GSE1: variants seen among roughly 807,000 people sequenced by gnomAD.
The protein encoded by GSE1 is genetic suppressor element 1.
A neutral mutation model predicts 112.6 loss-of-function variants in GSE1; 32 were observed. That is an observed-to-expected ratio of 0.28 (90% CI 0.21 to 0.38). GSE1 has a LOEUF of 0.38. Among genes scored for constraint, GSE1 ranks in the 10% least tolerant of loss-of-function variants. The pLI is 1.00. For missense variants in GSE1, 2,348 were observed against 1,699.2 expected, an observed-to-expected ratio of 1.38 and a Z score of -6.71; for synonymous variants, 1,115 against 735.6, an observed-to-expected ratio of 1.52 and a Z score of -8.35.
intron 1 of GSE1, among the ~76,000 whole-genome samples, chr16:85,254,096 A>G (rs1398256512): frequency 1.3e-5 from 2 of 152,126 alleles, no homozygotes; most frequent in Non-Finnish European, 2.9e-5. Flanking sequence ...GCCAGCCCGT[A>G]TGGGGCACTT....
intron 2 of GSE1, among the ~76,000 whole-genome samples, chr16:85,519,966 T>G (rs139500508): frequency 0.016 from 2,496 of 152,278 alleles, 44 homozygotes; most frequent in African/African-American, 0.045. Flanking sequence ...CTTCTCCTTA[T>G]GACCCACGGT....
Position 85,217,730 on chromosome 16 carries a change from G to A in GSE1, c.2283+45923G>A, listed in dbSNP as rs148974967. ...CTGCCTCAAAGCCGAACAGCCCAGC[G>A]GACTTTCCTAAGCCCTCCTGTTGCC... On this transcript the variant is annotated intron_variant, in intron 1 of 2. Transcript: ENST00000637419. Among the ~76,000 whole-genome samples, 1,157 of 152,138 alleles carry A rather than the reference G, an allele frequency of 7.6e-3. 11 individuals are homozygous for A. Among genetic ancestry groups the A allele is most frequent in the African/African-American group, 0.026 (1,060 of 41,484 alleles).
At chr16:85,650,957 G>C (rs1156866387) in intron 3 of GSE1, among the ~76,000 whole-genome samples, 1 of 151,710 alleles carries the variant, frequency 6.6e-6, no homozygotes, top group Non-Finnish European at 1.5e-5. Context: ...CTGTTTTAAA[G>C]CTAACAGGGC....
At chr16:85,347,941 C>T (rs1181872156) in intron 1 of GSE1, among the ~76,000 whole-genome samples, 2 of 152,228 alleles carry the variant, frequency 1.3e-5, no homozygotes, top group Non-Finnish European at 2.9e-5. Flanking sequence ...ACTTTCTTGT[C>T]TTCCAATGAC....
intron 1 of GSE1, among the ~76,000 whole-genome samples, chr16:85,217,145 G>C (rs1051051942): frequency 6.6e-6 from 1 of 152,238 alleles, no homozygotes; most frequent in Non-Finnish European, 1.5e-5. Flanking sequence ...GGGGTGATGA[G>C]AGTAGCGACT....
intron 2 of GSE1, among the ~76,000 whole-genome samples, chr16:85,517,013 G>A (rs1326992097): frequency 2.6e-5 from 4 of 152,164 alleles, no homozygotes; most frequent in Non-Finnish European, 4.4e-5. Context: ...TAGCCAGGAC[G>A]GTCTCGATCT....
At chr16:85,581,974 A>G (rs1421642010) in intron 1 of GSE1, 2 of 152,184 alleles carry the variant, frequency 1.3e-5, no homozygotes, top group African/African-American at 4.8e-5. Context: ...CCCCACCCCA[A>G]GTTGGGTGAT....
chr16:85,601,739 G>A (rs1255461495), intron 1 of GSE1, among the ~76,000 whole-genome samples: 1 of 152,224 alleles, frequency 6.6e-6, no homozygotes, highest in East Asian at 1.9e-4. Context: ...CCGCAGCAGA[G>A]GGTTCCTTGC....
At chr16:85,365,732 G>A (rs771721046) in intron 2 of GSE1, among the ~76,000 whole-genome samples, 1 of 152,200 alleles carries the variant, frequency 6.6e-6, no homozygotes, top group African/African-American at 2.4e-5. Context: ...AGCCTACAGC[G>A]ACTTCATTTC....
exon 1 of GSE1, chr16:85,556,298 C>T (rs1306927981): frequency 2.0e-6 from 2 of 983,876 alleles, no homozygotes; most frequent in South Asian, 4.7e-5. Context: ...TCATCCCTCT[C>T]TGGCCACTAT....
intron 2 of GSE1, among the ~76,000 whole-genome samples, chr16:85,456,650 T>G (rs187816602): frequency 7.3e-6 from 1 of 136,236 alleles, no homozygotes; most frequent in African/African-American, 2.9e-5. Flanking sequence ...GGTCTGCCAT[T>G]TTTGCTCTGC....
intron 1 of GSE1, among the ~76,000 whole-genome samples, chr16:85,578,280 C>T (rs1247462226): frequency 3.9e-5 from 6 of 152,214 alleles, no homozygotes; most frequent in African/African-American, 1.2e-4. Flanking sequence ...ATTACCCCTT[C>T]ATCAGCGTTT....
intron 2 of GSE1, among the ~76,000 whole-genome samples, chr16:85,640,248 C>G (rs1028741801): frequency 3.3e-5 from 5 of 152,168 alleles, no homozygotes; most frequent in African/African-American, 9.7e-5. Context: ...GCCCACACTT[C>G]GCTCCCTTAA....
At chr16:85,284,715 A>G (rs2044965682) in intron 1 of GSE1, among the ~76,000 whole-genome samples, 1 of 152,066 alleles carries the variant, frequency 6.6e-6, no homozygotes, top group Non-Finnish European at 1.5e-5. Context: ...TCGTGGGGAA[A>G]ATGGTGGCTC....
At chr16:85,176,560 A>G (rs949566927) in intron 1 of GSE1, among the ~76,000 whole-genome samples, 9 of 152,256 alleles carry the variant, frequency 5.9e-5, no homozygotes, top group Admixed American at 2.0e-4. Context: ...GGTCTGCTGC[A>G]TGATGGATTG....
At chr16:85,575,457 G>A (rs2046190517) in intron 1 of GSE1, among the ~76,000 whole-genome samples, 1 of 152,068 alleles carries the variant, frequency 6.6e-6, no homozygotes, top group Non-Finnish European at 1.5e-5. Flanking sequence ...TGTGTGCCCT[G>A]TGGGGACCGG....
intron 2 of GSE1, among the ~76,000 whole-genome samples, chr16:85,535,955 C>T (rs867602071): frequency 5.3e-5 from 8 of 152,220 alleles, no homozygotes; most frequent in Admixed American, 2.0e-4. Context: ...GAGCACCTGC[C>T]ATACACAGGC....
At chr16:85,612,596 T>A (rs2048065492), upstream of GSE1, among the ~76,000 whole-genome samples, 1 of 148,218 alleles carries the variant, frequency 6.7e-6, no homozygotes. Flanking sequence ...AATTGTGGCC[T>A]TCCCAAAAGT....
At chr16:85,650,098 C>G (rs1237746960) in intron 3 of GSE1, among the ~76,000 whole-genome samples, 1 of 152,178 alleles carries the variant, frequency 6.6e-6, no homozygotes, top group Non-Finnish European at 1.5e-5. Context: ...TGAAGCCTCT[C>G]GTAGTTTGAC....
Sources: gnomAD v4.1 joint callset for allele counts (sites outside exome capture counted in the v4.1 genomes callset) on GRCh38, gnomAD v4.1.1 for gene constraint, MANE v1.5 for transcripts, NCBI Gene and HGNC (gene_info 2026-07-23, HGNC 2026-07-21) for gene names.